Variants in SUSD1 observed in about 807,000 individuals in gnomAD.
SUSD1 encodes sushi domain-containing protein 1.
In SUSD1, 65 loss-of-function variants were observed where a neutral mutation model predicts 86.9. That is an observed-to-expected ratio of 0.75 (90% CI 0.61 to 0.92). SUSD1 has a LOEUF of 0.92. Ranked by LOEUF, SUSD1 falls within the 40% of genes least tolerant of loss-of-function variation. The probability of loss-of-function intolerance (pLI) is 0.00; values close to 1 mark genes in which losing one functional copy is unlikely to be tolerated. For missense variants in SUSD1, 850 were observed against 929.7 expected (o/e 0.91, Z 1.11); for synonymous variants, 346 against 350.0 (o/e 0.99, Z 0.13).
chr9:112,119,551 C>T (rs2762473), intron 6 of SUSD1, among the ~76,000 whole-genome samples: 14,842 of 152,176 alleles, frequency 0.098, 949 homozygotes, highest in Non-Finnish European at 0.15. Context: ...CTTCTGAGAG[C>T]GTGGAGTGAG....
intron 12 of SUSD1, among the ~76,000 whole-genome samples, chr9:112,069,419 T>C (rs1405458986): frequency 6.6e-6 from 1 of 152,010 alleles, no homozygotes; most frequent in African/African-American, 2.4e-5. Context: ...AGAGATTCTG[T>C]AGGATACAGC....
chr9:112,111,924 C>T, intron 7 of SUSD1, 84 bp from the exon 8 acceptor site: 1 of 1,413,478 alleles, frequency 7.1e-7, no homozygotes, highest in Non-Finnish European at 9.7e-7. Context: ...CATTCTCCTA[C>T]TATTCTATTT....
At chr9:112,042,027 C>T (rs1455333435) in intron 15 of SUSD1, 67 bp from the exon 16 acceptor site, 1 of 1,584,008 alleles carries the variant, frequency 6.3e-7, no homozygotes, top group Non-Finnish European at 8.6e-7. Context: ...AGGCACACAC[C>T]CCACTGTGCT....
chr9:112,048,648 C>G (rs892040671), intron 15 of SUSD1, among the ~76,000 whole-genome samples: 2 of 152,184 alleles, frequency 1.3e-5, no homozygotes, highest in African/African-American at 4.8e-5. Context: ...TAGTAGAAGA[C>G]AGACAAAACA....
chr9:112,086,984 T>C lies in SUSD1; in HGVS notation c.1475-6819A>G, dbSNP rs540564476. ...AAGCAGTTTGTATTTTATATATATA[T>C]ACATATATAAAATATACATATATAA... On this transcript the variant is annotated intron_variant, in intron 10 of 16. Transcript: ENST00000374270. Among the ~76,000 whole-genome samples, 4 of 149,436 alleles carry C rather than the reference T, an allele frequency of 2.7e-5. No homozygotes were observed. The South Asian group carries it at 8.4e-4, about 31-fold the overall frequency.
intron 11 of SUSD1, 47 bp downstream of exon 11, chr9:112,080,027 C>T (rs1207710424): frequency 2.1e-6 from 3 of 1,397,634 alleles, no homozygotes; most frequent in Non-Finnish European, 3.0e-6. Flanking sequence ...TTTAAGCCTC[C>T]CACATAAGAC....
rs940696487 is a variant in SUSD1 at position 112,065,073 on chromosome 9, C to G, written c.1754-2040G>C. On this transcript the variant is annotated intron_variant, in intron 12 of 16. Coordinates refer to ENST00000374270, the MANE Select transcript of SUSD1 (RefSeq NM_022486.5). ...TGATACATGACAGATTGTTACTTGT[C>G]CAAAGGCCACACGATTAGCAAGTCG... is the stretch of plus-strand genomic sequence containing the variant. Among the ~76,000 whole-genome samples, 4 of 152,088 alleles carry G rather than the reference C, an allele frequency of 2.6e-5. No homozygotes were observed. In the East Asian group the frequency reaches 7.7e-4, roughly 29 times the overall value.
intron 5 of SUSD1, among the ~76,000 whole-genome samples, chr9:112,135,800 G>A (rs1832238044): frequency 6.6e-6 from 1 of 152,210 alleles, no homozygotes; most frequent in African/African-American, 2.4e-5. Flanking sequence ...CACCTTTTCT[G>A]CACTAGGCAC....
At chr9:112,153,707 G>C (rs1178678395) in intron 2 of SUSD1, among the ~76,000 whole-genome samples, 1 of 149,704 alleles carries the variant, frequency 6.7e-6, no homozygotes, top group African/African-American at 2.5e-5. Flanking sequence ...TCTGCCTCCT[G>C]GGTTCAAGCA....
intron 5 of SUSD1, among the ~76,000 whole-genome samples, chr9:112,125,957 A>G (rs1373428573): frequency 6.6e-6 from 1 of 152,152 alleles, no homozygotes; most frequent in Non-Finnish European, 1.5e-5. Context: ...CTCATGTCCC[A>G]TGTTTGCCCA....
intron 9 of SUSD1, among the ~76,000 whole-genome samples, chr9:112,099,013 C>T (rs1000383411): frequency 4.2e-5 from 5 of 118,876 alleles, no homozygotes; most frequent in African/African-American, 1.1e-4. Context: ...CTGAATACTT[C>T]GTTCTCTCTC....
At chr9:112,088,925 AG>A (rs1238014781) in intron 10 of SUSD1, among the ~76,000 whole-genome samples, 1 of 152,162 alleles carries the variant, frequency 6.6e-6, no homozygotes, top group Non-Finnish European at 1.5e-5. Flanking sequence ...TGGGCAACAA[AG>A]AGAGACCTTG....
intron 8 of SUSD1, among the ~76,000 whole-genome samples, chr9:112,107,665 C>T (rs1208766498): frequency 6.6e-6 from 1 of 152,058 alleles, no homozygotes; most frequent in Non-Finnish European, 1.5e-5. Context: ...CAAATGCAAG[C>T]ACAAATAAAT....
intron 5 of SUSD1, among the ~76,000 whole-genome samples, chr9:112,134,483 C>A (rs1057221622): frequency 9.2e-5 from 14 of 152,210 alleles, no homozygotes; most frequent in Admixed American, 6.5e-4. Context: ...ATTCTAATAT[C>A]CTAAGCATAT....
At chr9:112,065,693 G>A (rs761321737) in intron 12 of SUSD1, among the ~76,000 whole-genome samples, 4 of 152,182 alleles carry the variant, frequency 2.6e-5, no homozygotes, top group Non-Finnish European at 4.4e-5. Flanking sequence ...GATGTAGTGG[G>A]TAGGAACACA....
At chr9:112,165,888 A>G (rs1288802719) in intron 1 of SUSD1, among the ~76,000 whole-genome samples, 1 of 83,684 alleles carries the variant, frequency 1.2e-5, no homozygotes. Context: ...AGAAAGAAAA[A>G]GAAAGAAAGA....
intron 10 of SUSD1, among the ~76,000 whole-genome samples, chr9:112,096,604 A>G (rs1382256859): frequency 1.3e-5 from 2 of 152,064 alleles, no homozygotes; most frequent in Non-Finnish European, 1.5e-5. Context: ...CAGTGGCGCA[A>G]TCTCGGCTCC....
At position 112,089,037 on chromosome 9, in the gene SUSD1, G is replaced by A. The variant is rs1415791402; in HGVS notation, c.1475-8872C>T. On this transcript the variant is annotated intron_variant, in intron 10 of 16. Coordinates refer to ENST00000374270, the MANE Select transcript of SUSD1 (RefSeq NM_022486.5). ...CAAAAGGATCACTTGAGTCTGGGAA[G>A]TTGTGGCTACAGTGAGCTATGATCA... Among the ~76,000 whole-genome samples, 3 of 152,308 alleles carry A rather than the reference G, an allele frequency of 2.0e-5. No homozygotes were observed. The East Asian group carries it at 5.8e-4, about 29-fold the overall frequency.
At chr9:112,168,505 C>A (rs537221492) in intron 1 of SUSD1, among the ~76,000 whole-genome samples, 12 of 152,354 alleles carry the variant, frequency 7.9e-5, no homozygotes, top group African/African-American at 2.2e-4. Flanking sequence ...AGCTGCAACT[C>A]AGGATGGGAG....
Sources: gnomAD v4.1 joint callset for allele counts (sites outside exome capture counted in the v4.1 genomes callset) on GRCh38, gnomAD v4.1.1 for gene constraint, MANE v1.5 for transcripts, NCBI Gene and HGNC (gene_info 2026-07-23, HGNC 2026-07-21) for gene names.